The following MATN4 variants were observed in gnomAD, a reference collection of about 807,000 sequenced individuals.
The protein encoded by MATN4 is matrilin-4.
A neutral mutation model predicts 54.6 loss-of-function variants in MATN4; 40 were observed. The observed-to-expected ratio is 0.73, with a 90% CI of 0.57 to 0.95. The LOEUF is 0.95. Ranked by LOEUF, MATN4 falls within the 40% of genes least tolerant of loss-of-function variation. The pLI is 0.00. For synonymous variants in MATN4, 351 were observed against 345.3 expected (o/e 1.02, Z -0.18); for missense variants, 810 against 819.1 (o/e 0.99, Z 0.13).
intron 2 of MATN4, 137 bp from the exon 3 acceptor site, chr20:45,304,934 A>G (rs1986492771): frequency 1.8e-6 from 1 of 571,272 alleles, no homozygotes; most frequent in Admixed American, 3.4e-5. Flanking sequence ...AGACAGATGC[A>G]CTCGCCCGGC....
chr20:45,297,879 A>G (rs903141412), intron 8 of MATN4, 39 bp downstream of exon 8: 1 of 1,610,964 alleles, frequency 6.2e-7, no homozygotes, highest in Non-Finnish European at 8.5e-7. Context: ...GAGGACGGGC[A>G]ATGAGAGAGA....
intron 2 of MATN4, 120 bp from the exon 3 acceptor site, chr20:45,304,917 G>A: frequency 6.4e-6 from 4 of 620,950 alleles, no homozygotes; most frequent in South Asian, 4.3e-5. Context: ...CACAGCAAAC[G>A]CAGATTAGAC....
intron 1 of MATN4, among the ~76,000 whole-genome samples, 169 bp from the exon 2 acceptor site, chr20:45,305,785 G>A (rs948768028): frequency 2.4e-4 from 26 of 109,134 alleles, no homozygotes; most frequent in African/African-American, 8.8e-4. Flanking sequence ...CAGTGGGATT[G>A]CTGGGAAACA....
At chr20:45,307,892 G>A (rs1191893266) in intron 1 of MATN4, among the ~76,000 whole-genome samples, 2 of 152,158 alleles carry the variant, frequency 1.3e-5, no homozygotes, top group Non-Finnish European at 2.9e-5. Flanking sequence ...GGTTGAGGGA[G>A]TGGAGCAGCA....
intron 1 of MATN4, chr20:45,306,822 C>T: frequency 1.1e-6 from 1 of 940,632 alleles, no homozygotes; most frequent in Non-Finnish European, 1.4e-6. Flanking sequence ...ATATAACCCG[C>T]GCAAGAGCCG....
chr20:45,306,801 GC>G (rs1489930644), intron 1 of MATN4: 67 of 761,040 alleles, frequency 8.8e-5, no homozygotes, highest in Admixed American at 1.7e-4. Context: ...TGGAGATAAG[GC>G]CTGGACAGGA....
At chr20:45,302,935 T>A (rs1233818115) in intron 3 of MATN4, among the ~76,000 whole-genome samples, 1 of 151,826 alleles carries the variant, frequency 6.6e-6, no homozygotes, top group East Asian at 1.9e-4. Flanking sequence ...ATACAAAAAA[T>A]AGCTGGGTGT....
At chr20:45,304,058 T>C (rs939129932) in intron 3 of MATN4, among the ~76,000 whole-genome samples, 170 bp downstream of exon 3, 2 of 152,120 alleles carry the variant, frequency 1.3e-5, no homozygotes, top group African/African-American at 4.8e-5. Context: ...TGATGGAGGC[T>C]GAGCAGAAGT....
intron 6 of MATN4, among the ~76,000 whole-genome samples, chr20:45,299,907 A>G (rs944748943): frequency 6.3e-4 from 91 of 144,676 alleles, no homozygotes; most frequent in African/African-American, 2.2e-3. Flanking sequence ...AAAGTCGAAG[A>G]GGGCTTGCTT....
At chr20:45,304,872 G>A (rs1986484684) in intron 2 of MATN4, 75 bp from the exon 3 acceptor site, 7 of 933,988 alleles carry the variant, frequency 7.5e-6, no homozygotes, top group Non-Finnish European at 1.6e-6. Context: ...GGAAACCCAG[G>A]GGAAATGCCG....
In MATN4 at chr20:45,293,466, T is replaced by A. The variant is rs1401550124; in HGVS notation, c.*301A>T. Reference sequence around the variant, plus strand: ...CGGACCCCGTGGAAATCAGTTTTTTTTATTTTTTTAAGAACACAAACAAGA... The same window carrying A: ...CGGACCCCGTGGAAATCAGTTTTTTATATTTTTTTAAGAACACAAACAAGA... On this transcript the variant is annotated 3_prime_UTR_variant, in exon 10 of 10. Coordinates refer to ENST00000372756, the MANE Select transcript of MATN4 (RefSeq NM_001393530.1). 2 of 350,366 alleles carry A rather than the reference T, an allele frequency of 5.7e-6. No homozygotes were observed. Among genetic ancestry groups the A allele is most frequent in the African/African-American group, 4.3e-5 (2 of 47,026 alleles). 21.7% of individuals were successfully genotyped at this position (350,366 alleles called of 1,614,324 possible). A position where few individuals can be genotyped will look rare whatever the true frequency, so the allele number is the denominator to read the frequency against.
In MATN4 at chr20:45,304,403, C is replaced by A. The variant is rs574119964; in HGVS notation, c.468G>T (p.Glu156Asp). The A allele has an allele frequency of 5.0e-5, 76 of 1,505,514 alleles. No homozygotes were observed. In the Middle Eastern group the frequency reaches 9.2e-4, roughly 18 times the overall value. 93.3% of individuals were successfully genotyped at this position (1,505,514 alleles called of 1,614,324 possible). A position where few individuals can be genotyped will look rare whatever the true frequency, so the allele number is the denominator to read the frequency against. Residue 156 changes from glutamate to aspartate, a missense_variant, in exon 3 of 10, where the codon GAG becomes GAT. Glu to Asp is a conservative substitution (Grantham distance 45). Coordinates refer to ENST00000372756, the MANE Select transcript of MATN4 (RefSeq NM_001393530.1). ...TDGRPQDRVA[E>D]VAAQARARGI... ...CGCGGGCGCGCGCCTGTGCCGCCAC[C>A]TCGGCCACGCGGTCCTGGGGCCGCC... is the stretch of plus-strand genomic sequence containing the variant.
intron 3 of MATN4, chr20:45,303,298 C>A: frequency 3.1e-6 from 2 of 653,724 alleles, no homozygotes; most frequent in Admixed American, 2.1e-5. Context: ...CTGCCAAAGG[C>A]CCTTCCAGAC....
At chr20:45,305,738 A>T in intron 1 of MATN4, 122 bp from the exon 2 acceptor site, 2 of 368,080 alleles carry the variant, frequency 5.4e-6, no homozygotes, top group Non-Finnish European at 9.9e-6. Context: ...ATTTTTGTGT[A>T]TGTTTGAAAT....
In MATN4 at chr20:45,296,962, T is replaced by G. The variant is rs60472818; in HGVS notation, c.1579+956A>C. Among the ~76,000 whole-genome samples, 1,238 of 151,766 alleles carry G rather than the reference T, an allele frequency of 8.2e-3. 16 individuals are homozygous for G. Among genetic ancestry groups the G allele is most frequent in the African/African-American group, 0.028 (1,147 of 41,380 alleles). ...CCTCCACCTCCCAGGTTCAAGCAAT[T>G]CTCCTGCCTCAGTGCCCACCACCTT... On this transcript the variant is annotated intron_variant, in intron 8 of 9. Transcript: ENST00000372756.
rs1247006982 is a variant in MATN4, at chr20:45,301,086, G to A, written c.889+16C>T. 2 of 1,613,970 alleles carry A rather than the reference G, an allele frequency of 1.2e-6. No homozygotes were observed. The highest frequency in any genetic ancestry group is 1.3e-5 in the African/African-American group (1 of 74,940). On this transcript the variant is annotated intron_variant, in intron 5 of 9. Transcript: ENST00000372756. Reference sequence around the variant, plus strand: ...ATCTCTTACCCCTCCCACAAATGTAGGAGAGCCCTCCTCACCCTGACAGCT... The same window carrying A: ...ATCTCTTACCCCTCCCACAAATGTAAGAGAGCCCTCCTCACCCTGACAGCT...
At chr20:45,296,611 G>T (rs1354212473) in intron 8 of MATN4, among the ~76,000 whole-genome samples, 1 of 152,158 alleles carries the variant, frequency 6.6e-6, no homozygotes, top group African/African-American at 2.4e-5. Context: ...GAAGAGAAAA[G>T]TTAAGGTAGG....
chr20:45,294,687 TACA>T (rs1985698620), intron 8 of MATN4, among the ~76,000 whole-genome samples: 1 of 152,204 alleles, frequency 6.6e-6, no homozygotes, highest in Non-Finnish European at 1.5e-5. Context: ...GTAAATACTT[TACA>T]GCAGGGGTCC....
chr20:45,308,506 T>C, upstream of MATN4: 1 of 520,918 alleles, frequency 1.9e-6, no homozygotes, highest in Non-Finnish European at 3.5e-6. Flanking sequence ...AGCGGGAGAC[T>C]GGGGAGACCG....
Sources: allele counts gnomAD v4.1 joint callset (sites outside exome capture counted in the v4.1 genomes callset), GRCh38; gene constraint gnomAD v4.1.1; transcripts MANE v1.5; gene names NCBI Gene and HGNC (gene_info 2026-07-23, HGNC 2026-07-21).